ZFHX3: variants seen among roughly 807,000 people sequenced by gnomAD.
ZFHX3 encodes zinc finger homeobox protein 3.
Under a neutral mutation model 279.1 loss-of-function variants are expected in ZFHX3, and 42 were observed. That is an observed-to-expected ratio of 0.15 (90% confidence interval 0.12 to 0.19). The LOEUF (loss-of-function observed/expected upper bound fraction) is 0.19, where lower values mean the gene tolerates loss of function less well. Ranked by LOEUF, ZFHX3 falls within the 10% of genes least tolerant of loss-of-function variation. The pLI, the probability that ZFHX3 is intolerant of heterozygous loss-of-function variation, is 1.00. For missense variants in ZFHX3, 4,981 were observed against 4,754.0 expected (o/e 1.05, Z -1.40); for synonymous variants, 2,293 against 1,957.8 (o/e 1.17, Z -4.52).
In ZFHX3 at chr16:72,931,455, A is replaced by ACT. The variant is rs1555531349; in HGVS notation, c.3216+19012_3216+19013dup. 8.2e-4 allele frequency among the ~76,000 whole-genome samples: 106 copies of ACT among 129,264 alleles called. 1 individual carries two copies. The highest frequency in any genetic ancestry group is 5.1e-3 in the Admixed American group (63 of 12,422). The allele number at this position is 129,264 out of a possible 152,430, so 84.8% of individuals were successfully genotyped here. On this transcript the variant is annotated intron_variant, in intron 3 of 9. Transcript: ENST00000268489. ...CACACACACACACACACACACACAC[A>ACT]CTCTTCAGCTTTCAAAAGAGGTCGG... is the stretch of plus-strand genomic sequence containing the variant.
intron 4 of ZFHX3, among the ~76,000 whole-genome samples, chr16:72,863,320 C>T (rs922843818): frequency 1.2e-4 from 15 of 121,018 alleles, no homozygotes; most frequent in Admixed American, 2.1e-4. Context: ...TTGGACAACA[C>T]GGCAAAATCT....
At chr16:73,476,400 T>A (rs181704867) in intron 2 of ZFHX3, among the ~76,000 whole-genome samples, 6 of 152,138 alleles carry the variant, frequency 3.9e-5, no homozygotes, top group African/African-American at 7.2e-5. Flanking sequence ...ACAAAGAAAC[T>A]CTTCAAAGGT....
chr16:73,795,981 T>C (rs1030983012), intron 1 of ZFHX3, among the ~76,000 whole-genome samples: 3 of 152,218 alleles, frequency 2.0e-5, no homozygotes, highest in Non-Finnish European at 4.4e-5. Flanking sequence ...AATACAGCCC[T>C]GAATTTGGTA....
intron 6 of ZFHX3, among the ~76,000 whole-genome samples, chr16:73,139,872 T>A (rs1042374426): frequency 6.6e-6 from 1 of 152,232 alleles, no homozygotes; most frequent in Non-Finnish European, 1.5e-5. Flanking sequence ...CATCAGTGGC[T>A]ATGGGACTTG....
chr16:73,814,629 G>A (rs560796100), intron 1 of ZFHX3, among the ~76,000 whole-genome samples: 126 of 150,794 alleles, frequency 8.4e-4, no homozygotes, highest in South Asian at 3.2e-3. Context: ...GTGCAGTGGC[G>A]CAATCTCAGC....
intron 2 of ZFHX3, among the ~76,000 whole-genome samples, chr16:73,502,149 C>T (rs181937935): frequency 6.6e-6 from 1 of 152,090 alleles, no homozygotes; most frequent in African/African-American, 2.4e-5. Flanking sequence ...CATGTTAGGC[C>T]ATCTTGAACG....
intron 1 of ZFHX3, among the ~76,000 whole-genome samples, chr16:73,703,580 C>A (rs576223376): frequency 6.6e-6 from 1 of 151,894 alleles, no homozygotes; most frequent in African/African-American, 2.4e-5. Context: ...AGTCATGAAA[C>A]GGTACCCATA....
chr16:72,797,935 C>G lies in ZFHX3; in HGVS notation c.4747G>C (p.Gly1583Arg). Reference sequence around the variant, plus strand: ...GGGCTGCTGGTGGGTTCTGGCTGACCGGTTGCTGATTCTTGAAGGGCTCTC... The same window carrying G: ...GGGCTGCTGGTGGGTTCTGGCTGACGGGTTGCTGATTCTTGAAGGGCTCTC... Reference protein sequence around the residue: ...LKRALQESATGQPEPTSSPDN... With the variant: ...LKRALQESATRQPEPTSSPDN... Residue 1583 changes from glycine to arginine, a missense_variant, in exon 9 of 10, where the codon GGT (glycine) becomes CGT (arginine). Gly to Arg is a moderately radical substitution (Grantham distance 125). Coordinates refer to ENST00000268489, the MANE Select transcript of ZFHX3 (RefSeq NM_006885.4). 3.1e-6 allele frequency: 5 copies of G among 1,614,136 alleles called. No homozygotes were observed. The South Asian group carries it at 5.5e-5, about 18-fold the overall frequency.
At chr16:73,070,724 C>G (rs1023429707) in intron 8 of ZFHX3, among the ~76,000 whole-genome samples, 3 of 151,750 alleles carry the variant, frequency 2.0e-5, no homozygotes, top group African/African-American at 7.3e-5. Flanking sequence ...CTCTCTCTCT[C>G]TCTCTCGCAC....
chr16:72,986,043 C>T (rs898109356), intron 1 of ZFHX3, among the ~76,000 whole-genome samples: 1 of 151,584 alleles, frequency 6.6e-6, no homozygotes, highest in South Asian at 2.1e-4. Flanking sequence ...TTTTTAACCA[C>T]CCCCCACCCC....
intron 1 of ZFHX3, among the ~76,000 whole-genome samples, chr16:73,779,025 G>T (rs891565832): frequency 2.0e-5 from 3 of 152,212 alleles, no homozygotes; most frequent in African/African-American, 7.2e-5. Context: ...GAATAAGCCT[G>T]AGTGTCCCCA....
intron 7 of ZFHX3, among the ~76,000 whole-genome samples, chr16:73,114,901 TC>T (rs1966414027): frequency 6.6e-6 from 1 of 152,020 alleles, no homozygotes; most frequent in Non-Finnish European, 1.5e-5. Flanking sequence ...CAAGAAATCC[TC>T]CCACCTCAGC....
intron 1 of ZFHX3, among the ~76,000 whole-genome samples, chr16:73,751,852 C>T (rs1441999664): frequency 6.6e-6 from 1 of 152,162 alleles, no homozygotes; most frequent in East Asian, 1.9e-4. Context: ...TTCCTATAGT[C>T]ACTACCTGAT....
chr16:73,523,173 T>C (rs1158185352), intron 2 of ZFHX3, among the ~76,000 whole-genome samples: 2 of 152,248 alleles, frequency 1.3e-5, no homozygotes, highest in Non-Finnish European at 2.9e-5. Flanking sequence ...AGACTTCTTC[T>C]GAAATGATTT....
At chr16:73,659,364 T>A (rs987884) in intron 2 of ZFHX3, among the ~76,000 whole-genome samples, 132,358 of 152,164 alleles carry the variant, frequency 0.87, 57,748 homozygotes, top group East Asian at 0.97. Flanking sequence ...CATCCTTCAC[T>A]CTAATTAAAA....
Position 72,797,334 on chromosome 16 carries a change from G to C in ZFHX3, c.5348C>G (p.Thr1783Arg). ...CTGTAGTTGCAGCAGGGTCTCAGTT[G>C]TCATGGGGAAGTGAGGAAGGAGGGT... ...NPTLLPHFPM[T>R]TETLLQLQQQ... is the part of the protein sequence containing the mutation. The change falls in exon 9 of 10, where the codon ACA (threonine) becomes AGA (arginine). Residue 1783 changes from threonine (T) to arginine (R), a missense_variant. Physicochemically the swap from Thr to Arg is moderately conservative, Grantham distance 71. Coordinates refer to ENST00000268489, the MANE Select transcript of ZFHX3 (RefSeq NM_006885.4). The C allele has an allele frequency of 6.2e-7, 1 of 1,602,430 alleles. No homozygotes were observed. The highest frequency in any genetic ancestry group is 8.5e-7 in the Non-Finnish European group (1 of 1,173,732).
chr16:73,118,996 C>T (rs183299188), intron 7 of ZFHX3, among the ~76,000 whole-genome samples: 193 of 152,320 alleles, frequency 1.3e-3, no homozygotes, highest in African/African-American at 4.5e-3. Flanking sequence ...TCCCTGATTA[C>T]AGTCACTCCT....
intron 3 of ZFHX3, among the ~76,000 whole-genome samples, chr16:73,443,355 C>G (rs535634997): frequency 2.0e-5 from 3 of 152,318 alleles, no homozygotes; most frequent in African/African-American, 7.2e-5. Flanking sequence ...ACAATTCCCA[C>G]TCAGAGAATA....
intron 2 of ZFHX3, among the ~76,000 whole-genome samples, chr16:73,568,647 G>A (rs1377014697): frequency 6.6e-6 from 1 of 152,128 alleles, no homozygotes; most frequent in Admixed American, 6.5e-5. Flanking sequence ...TCTTCCCACC[G>A]GGTAAGTCCA....
Sources: gnomAD v4.1 joint callset for allele counts (sites outside exome capture counted in the v4.1 genomes callset) on GRCh38, gnomAD v4.1.1 for gene constraint, MANE v1.5 for transcripts, NCBI Gene and HGNC (gene_info 2026-07-23, HGNC 2026-07-21) for gene names.